IRF3: variants seen among roughly 807,000 people sequenced by gnomAD.
IRF3 encodes interferon regulatory factor 3.
IRF3 carries 29 observed loss-of-function variants against 43.2 expected under a neutral mutation model. That is an observed-to-expected ratio of 0.67 (90% CI 0.50 to 0.91). The LOEUF (loss-of-function observed/expected upper bound fraction) is 0.91. IRF3 is among the 40% of genes least tolerant of loss of function. IRF3 has a pLI of 0.00. For synonymous variants in IRF3, 228 were observed against 233.9 expected (o/e 0.97, Z 0.23); for missense variants, 505 against 559.1 (o/e 0.90, Z 0.98).
At position 49,662,017 on chromosome 19, in the gene IRF3, G is replaced by T. The variant is rs1241122010; in HGVS notation, c.913C>A (p.His305Asn). Residue 305 changes from histidine to asparagine, a missense_variant, in exon 6 of 8, where the codon CAT (histidine) becomes AAT (asparagine). Coordinates refer to ENST00000377139, the MANE Select transcript of IRF3 (RefSeq NM_001571.6). ...VSEELLPNSG[H>N]GPDGEVPKDK... ...TTGGGGACCTCGCCATCAGGCCCAT[G>T]CCCGCTGTTGGGGAGCAGCTCCTCG... The T allele has an allele frequency of 6.2e-7, 1 of 1,613,986 alleles. No individual in the cohort carries two copies. The highest frequency in any genetic ancestry group is 8.5e-7 in the Non-Finnish European group (1 of 1,179,980).
Position 49,665,809 on chromosome 19 carries a change from C to T in IRF3, c.-187G>A, listed in dbSNP as rs748702940. On this transcript the variant is annotated 5_prime_UTR_variant, in exon 1 of 8. Transcript: ENST00000377139. ...ACCAACTTTATCATTCTTTGGGTAA[C>T]AGACCCAAAAGCCGATGGGACGGCC... 3 of 1,579,810 alleles carry T rather than the reference C, an allele frequency of 1.9e-6. No homozygotes were observed. The highest frequency in any genetic ancestry group is 1.1e-5 in the South Asian group (1 of 89,862).
At chr19:49,661,919 G>A (rs2081348727) in intron 6 of IRF3, 29 bp downstream of exon 6, 2 of 1,580,910 alleles carry the variant, frequency 1.3e-6, no homozygotes. Context: ...GCTTTGTACT[G>A]GCCAGGTCGA....
intron 6 of IRF3, 176 bp downstream of exon 6, chr19:49,661,772 G>T (rs999262027): frequency 1.4e-6 from 1 of 715,346 alleles, no homozygotes. Context: ...GTAGAGATGG[G>T]GTTTCACTAT....
At position 49,660,988 on chromosome 19, in the gene IRF3, C is replaced by T. The variant is rs1237640137; in HGVS notation, c.983-160G>A. 1.3e-5 allele frequency: 10 copies of T among 757,984 alleles called. No homozygotes were observed. The East Asian group carries it at 1.5e-4, about 11-fold the overall frequency. The allele number at this position is 757,984 out of a possible 1,614,324, so 47.0% of individuals were successfully genotyped here. A position where few individuals can be genotyped will look rare whatever the true frequency, so the allele number is the denominator to read the frequency against. On this transcript the variant is annotated intron_variant, in intron 6 of 7. Transcript: ENST00000377139. ...TGGGGAAAGTCCCCTCCTTCCCTCCCTCCCTCCCTCCCATCAGGGTGGGGT... is the reference window on the plus strand; with the variant it reads ...TGGGGAAAGTCCCCTCCTTCCCTCCTTCCCTCCCTCCCATCAGGGTGGGGT...
chr19:49,665,762 T>G lies in IRF3; in HGVS notation c.-140A>C. 6.5e-6 allele frequency: 10 copies of G among 1,541,094 alleles called. No homozygotes were observed. Among genetic ancestry groups the G allele is most frequent in the Non-Finnish European group, 8.8e-6 (10 of 1,140,284 alleles). On this transcript the variant is annotated 5_prime_UTR_variant, in exon 1 of 8. Coordinates refer to ENST00000377139, the MANE Select transcript of IRF3 (RefSeq NM_001571.6). ...GCTCTAGAGCGCTGGGGCTTTCTTT[T>G]TGATCGACTTCTTGAAATAAAACCA...
In IRF3 at chr19:49,662,599, A is replaced by T; in HGVS notation, c.427T>A (p.Leu143Ile). The T allele has an allele frequency of 6.5e-7, 1 of 1,528,060 alleles. No homozygotes were observed. The highest frequency in any genetic ancestry group is 8.8e-7 in the Non-Finnish European group (1 of 1,141,440). 94.7% of individuals were successfully genotyped at this position (1,528,060 alleles called of 1,614,324 possible). A position where few individuals can be genotyped will look rare whatever the true frequency, so the allele number is the denominator to read the frequency against. Reference protein sequence around the residue: ...SDTQEDILDELLGNMVLAPLP... With the variant: ...SDTQEDILDEILGNMVLAPLP... ...GGGGCCAACACCATGTTACCCAGTA[A>T]CTCATCCAGAATGTCTTCCTGGAGG... Residue 143 changes from leucine (L) to isoleucine (I), a missense_variant, in exon 5 of 8, where the codon TTA (leucine) becomes ATA (isoleucine). Physicochemically the swap from Leu to Ile is conservative, Grantham distance 5. Transcript: ENST00000377139.
At chr19:49,660,948 A>C in intron 6 of IRF3, 120 bp from the exon 7 acceptor site, 1 of 1,179,828 alleles carries the variant, frequency 8.5e-7, no homozygotes, top group Non-Finnish European at 1.2e-6. Context: ...TGCCTCGACC[A>C]GGGGACTGCT....
At chr19:49,664,418 G>A in intron 2 of IRF3, 1 of 1,455,424 alleles carries the variant, frequency 6.9e-7, no homozygotes, top group Non-Finnish European at 9.2e-7. Context: ...CAAACCCCCA[G>A]GATGCATTTC....
intron 6 of IRF3, among the ~76,000 whole-genome samples, chr19:49,661,217 G>A (rs557164310): frequency 1.3e-4 from 20 of 152,322 alleles, no homozygotes; most frequent in African/African-American, 4.6e-4. Flanking sequence ...AACGAATCAC[G>A]TCCTGGTTGC....
chr19:49,662,980 C>G (rs1229629964), intron 4 of IRF3, among the ~76,000 whole-genome samples: 1 of 152,146 alleles, frequency 6.6e-6, no homozygotes, highest in Non-Finnish European at 1.5e-5. Context: ...CATGAAATCC[C>G]GGGAAGGTGT....
intron 4 of IRF3, 51 bp downstream of exon 4, chr19:49,663,137 C>G (rs768902475): frequency 6.7e-7 from 1 of 1,488,780 alleles, no homozygotes; most frequent in Admixed American, 1.7e-5. Flanking sequence ...GGACAAGGCC[C>G]ATGGAGACAG....
chr19:49,663,329 C>T lies in IRF3; in HGVS notation c.337+14G>A. On this transcript the variant is annotated intron_variant, in intron 3 of 7. Transcript: ENST00000377139. ...GGGGCCCCAGCCTCCCACACGAACC[C>T]CAAGCTGGCAGACCTGAGTTCACAA... 2 of 1,614,174 alleles carry T rather than the reference C, an allele frequency of 1.2e-6. No individual in the cohort carries two copies. The highest frequency in any genetic ancestry group is 1.1e-5 in the South Asian group (1 of 91,084).
intron 1 of IRF3, chr19:49,665,165 G>A (rs760585682): frequency 3.2e-6 from 1 of 314,992 alleles, no homozygotes; most frequent in East Asian, 6.3e-5. Context: ...CACTTTCAGG[G>A]TAGCATCCTC....
chr19:49,665,765 A>G lies in IRF3; in HGVS notation c.-143T>C. On this transcript the variant is annotated 5_prime_UTR_variant, in exon 1 of 8. Coordinates refer to ENST00000377139, the MANE Select transcript of IRF3 (RefSeq NM_001571.6). Reference sequence around the variant, plus strand: ...CTAGAGCGCTGGGGCTTTCTTTTTGATCGACTTCTTGAAATAAAACCAACT... The same window carrying G: ...CTAGAGCGCTGGGGCTTTCTTTTTGGTCGACTTCTTGAAATAAAACCAACT... 1 of 1,543,362 alleles carries G rather than the reference A, an allele frequency of 6.5e-7. No individual in the cohort carries two copies. Among genetic ancestry groups the G allele is most frequent in the Admixed American group, 2.0e-5 (1 of 51,050 alleles).
chr19:49,662,702 G>T, intron 4 of IRF3, 85 bp from the exon 5 acceptor site: 1 of 1,144,236 alleles, frequency 8.7e-7, no homozygotes, highest in Non-Finnish European at 1.2e-6. Context: ...TCTCAGCAAC[G>T]CAGGGAGGTC....
chr19:49,660,315 GAGATCAGCGGCAGC>G (rs1304025338), intron 7 of IRF3, among the ~76,000 whole-genome samples: 2 of 152,174 alleles, frequency 1.3e-5, no homozygotes, highest in Non-Finnish European at 2.9e-5. Context: ...TGCCTTCTGT[GAGATCAGCGGCAGC>G]ATTAGATTCT....
At chr19:49,659,984 TACACACACAC>T (rs5828408) in intron 7 of IRF3, 151 bp from the exon 8 acceptor site, 6,208 of 323,722 alleles carry the variant, frequency 0.019, 130 homozygotes, top group East Asian at 0.065. Context: ...GTTGTAGTTT[TACACACACAC>T]ACACACACAC....
At position 49,665,718 on chromosome 19, in the gene IRF3, C is replaced by T; in HGVS notation, c.-96G>A. ...AGCTCTCAAACTCGAGGCTGCGCAC[C>T]CCCTTTCCCGTCAGCTGAGCTCTAG... On this transcript the variant is annotated 5_prime_UTR_variant, in exon 1 of 8. Coordinates refer to ENST00000377139, the MANE Select transcript of IRF3 (RefSeq NM_001571.6). 7.0e-7 allele frequency: 1 copy of T among 1,434,816 alleles called. No homozygotes were observed. Among genetic ancestry groups the T allele is most frequent in the Non-Finnish European group, 9.3e-7 (1 of 1,071,450 alleles). The allele number at this position is 1,434,816 out of a possible 1,614,324, so 88.9% of individuals were successfully genotyped here.
Position 49,663,268 on chromosome 19 carries a change from A to C in IRF3, c.338-10T>G. ...GAAAAGTCCCCAACTCCTGTTGAGA[A>C]AAGTGGTGAGGGGAGTAGGAGTGCC... On this transcript the variant is annotated splice_polypyrimidine_tract_variant and intron_variant, in intron 3 of 7. Coordinates refer to ENST00000377139, the MANE Select transcript of IRF3 (RefSeq NM_001571.6). 1 of 1,614,126 alleles carries C rather than the reference A, an allele frequency of 6.2e-7. No individual in the cohort carries two copies. Among genetic ancestry groups the C allele is most frequent in the Non-Finnish European group, 8.5e-7 (1 of 1,180,004 alleles).
Sources: gnomAD v4.1 joint callset for allele counts (sites outside exome capture counted in the v4.1 genomes callset) on GRCh38, gnomAD v4.1.1 for gene constraint, MANE v1.5 for transcripts, NCBI Gene and HGNC (gene_info 2026-07-23, HGNC 2026-07-21) for gene names.